The following CNTN3 variants were observed in gnomAD, a reference collection of about 807,000 sequenced individuals.
CNTN3 encodes contactin 3, also known as contactin-3.
A neutral mutation model predicts 119.1 loss-of-function variants in CNTN3; 60 were observed. That is an observed-to-expected ratio of 0.50 (90% CI 0.41 to 0.62). The LOEUF is 0.62. Ranked by LOEUF, CNTN3 falls within the 20% of genes least tolerant of loss-of-function variation. The pLI is 0.00. For missense variants in CNTN3, 1,101 were observed against 1,242.4 expected, an observed-to-expected ratio of 0.89 and a Z score of 1.71; for synonymous variants, 450 against 438.7, an observed-to-expected ratio of 1.03 and a Z score of -0.32.
At chr3:74,288,963 C>A (rs1450411633) in intron 19 of CNTN3, among the ~76,000 whole-genome samples, 1 of 152,186 alleles carries the variant, frequency 6.6e-6, no homozygotes, top group Non-Finnish European at 1.5e-5. Flanking sequence ...GAAAATTAGT[C>A]TAGATGCTAA....
At chr3:74,441,801 A>G (rs911494061) in intron 4 of CNTN3, among the ~76,000 whole-genome samples, 3 of 152,176 alleles carry the variant, frequency 2.0e-5, no homozygotes, top group Non-Finnish European at 1.5e-5. Context: ...AATGCACTCC[A>G]TCAATCCTAT....
intron 3 of CNTN3, among the ~76,000 whole-genome samples, chr3:74,486,986 G>C (rs1291896894): frequency 1.3e-5 from 2 of 152,174 alleles, no homozygotes; most frequent in Admixed American, 6.5e-5. Flanking sequence ...CCAAGGTCCT[G>C]CTGACAATGA....
chr3:74,312,680 C>T (rs1481661798), intron 13 of CNTN3, among the ~76,000 whole-genome samples: 2 of 152,066 alleles, frequency 1.3e-5, no homozygotes, highest in East Asian at 3.9e-4. Context: ...AGGACTACAA[C>T]ATTCTTTCCC....
Position 74,295,255 on chromosome 3 carries a change from T to A in CNTN3, c.2402-19A>T, listed in dbSNP as rs769445686. 1.3e-5 allele frequency: 17 copies of A among 1,342,910 alleles called. No homozygotes were observed. The highest frequency in any genetic ancestry group is 1.8e-5 in the Admixed American group (1 of 55,046). The allele number at this position is 1,342,910 out of a possible 1,614,324, so 83.2% of individuals were successfully genotyped here. On this transcript the variant is annotated intron_variant, in intron 18 of 22. Transcript: ENST00000263665. ...GTAGGCTCTGTTCGGAAACAGAAATTGAAATATGATGATAATTTTGGCAGT... is the reference window on the plus strand; with the variant it reads ...GTAGGCTCTGTTCGGAAACAGAAATAGAAATATGATGATAATTTTGGCAGT...
chr3:74,473,488 A>AT (rs1365176746), intron 4 of CNTN3, among the ~76,000 whole-genome samples: 8 of 152,168 alleles, frequency 5.3e-5, no homozygotes, highest in African/African-American at 1.9e-4. Flanking sequence ...TAAAGAACAG[A>AT]TTCTGCTTTA....
intron 1 of CNTN3, among the ~76,000 whole-genome samples, chr3:74,585,154 T>C (rs1399585685): frequency 1.3e-5 from 2 of 152,158 alleles, no homozygotes; most frequent in Non-Finnish European, 2.9e-5. Flanking sequence ...GTAGCTGACA[T>C]TTTTACATAC....
chr3:74,386,293 T>C (rs1704742517), intron 5 of CNTN3, among the ~76,000 whole-genome samples: 1 of 152,198 alleles, frequency 6.6e-6, no homozygotes. Flanking sequence ...AGCTTTCATT[T>C]TGTATAAAAG....
At chr3:74,325,320 C>G (rs1703102229) in intron 13 of CNTN3, among the ~76,000 whole-genome samples, 1 of 152,068 alleles carries the variant, frequency 6.6e-6, no homozygotes, top group Non-Finnish European at 1.5e-5. Flanking sequence ...CAGAAGTAAA[C>G]TTGTATTTCA....
intron 1 of CNTN3, among the ~76,000 whole-genome samples, chr3:74,558,858 C>G (rs769477991): frequency 9.2e-5 from 14 of 151,862 alleles, no homozygotes; most frequent in Admixed American, 3.9e-4. Flanking sequence ...ATGGCATACA[C>G]ATGTAATCCC....
intron 13 of CNTN3, among the ~76,000 whole-genome samples, chr3:74,308,623 T>C (rs1358873081): frequency 6.6e-6 from 1 of 152,130 alleles, no homozygotes; most frequent in Non-Finnish European, 1.5e-5. Flanking sequence ...GGAATTTTTT[T>C]TTTTTCTGGC....
Position 74,268,399 on chromosome 3 carries a change from G to C in CNTN3, c.2705-1021C>G, listed in dbSNP as rs1701705303. Among the ~76,000 whole-genome samples the C allele has an allele frequency of 5.3e-5, 8 of 152,086 alleles. No homozygotes were observed. The South Asian group carries it at 1.7e-3, about 32-fold the overall frequency. ...TGATTTGGCTAACTGAATTTGTAATGGAAAAATGATATAAAACATTAGCTA... is the reference window on the plus strand; with the variant it reads ...TGATTTGGCTAACTGAATTTGTAATCGAAAAATGATATAAAACATTAGCTA... On this transcript the variant is annotated intron_variant, in intron 20 of 22. Coordinates refer to ENST00000263665, the MANE Select transcript of CNTN3 (RefSeq NM_020872.3).
At chr3:74,524,850 G>C (rs1703593509) in intron 1 of CNTN3, among the ~76,000 whole-genome samples, 1 of 151,824 alleles carries the variant, frequency 6.6e-6, no homozygotes, top group Admixed American at 6.6e-5. Context: ...ATAGGAAATA[G>C]AATATGCAAA....
At chr3:74,409,294 A>T (rs911380483) in intron 5 of CNTN3, among the ~76,000 whole-genome samples, 2 of 152,214 alleles carry the variant, frequency 1.3e-5, no homozygotes, top group Non-Finnish European at 2.9e-5. Context: ...AATCATATCC[A>T]GATAAGTAAG....
intron 2 of CNTN3, among the ~76,000 whole-genome samples, chr3:74,515,959 A>G (rs4677407): frequency 0.95 from 144,477 of 151,984 alleles, 68,678 homozygotes; most frequent in East Asian, 0.98. Flanking sequence ...ACACACATCT[A>G]TCTCCCAATC....
chr3:74,525,345 A>T (rs1237593220), intron 1 of CNTN3, among the ~76,000 whole-genome samples: 1 of 151,870 alleles, frequency 6.6e-6, no homozygotes, highest in Non-Finnish European at 1.5e-5. Context: ...AGTTTTTTTT[A>T]AATTATGTTG....
chr3:74,378,311 C>A (rs1275729169), intron 5 of CNTN3, among the ~76,000 whole-genome samples: 2 of 152,172 alleles, frequency 1.3e-5, no homozygotes, highest in Non-Finnish European at 2.9e-5. Flanking sequence ...GCACTGTAAA[C>A]CGAAAGACAT....
chr3:74,430,927 T>C (rs1701773635), intron 4 of CNTN3, among the ~76,000 whole-genome samples: 2 of 152,266 alleles, frequency 1.3e-5, no homozygotes, highest in Non-Finnish European at 2.9e-5. Flanking sequence ...ACCCCGCTTC[T>C]GGCCATCAGC....
At chr3:74,527,933 T>C (rs779340683) in intron 1 of CNTN3, among the ~76,000 whole-genome samples, 35 of 151,938 alleles carry the variant, frequency 2.3e-4, no homozygotes, top group Non-Finnish European at 4.4e-4. Context: ...TGTCTAATGC[T>C]TTTCCAAGGT....
At chr3:74,593,187 T>C (rs1194925718) in intron 1 of CNTN3, among the ~76,000 whole-genome samples, 1 of 151,986 alleles carries the variant, frequency 6.6e-6, no homozygotes, top group African/African-American at 2.4e-5. Flanking sequence ...TATAGTGCAT[T>C]GTGGCTAATT....
Sources: allele counts gnomAD v4.1 joint callset (sites outside exome capture counted in the v4.1 genomes callset), GRCh38; gene constraint gnomAD v4.1.1; transcripts MANE v1.5; gene names NCBI Gene and HGNC (gene_info 2026-07-23, HGNC 2026-07-21).